The following MMP1 variants were observed in gnomAD, a reference collection of about 807,000 sequenced individuals.
The protein encoded by MMP1 is matrix metallopeptidase 1, also known as interstitial collagenase.
Under a neutral mutation model 49.6 loss-of-function variants are expected in MMP1, and 51 were observed. That is an observed-to-expected ratio of 1.03 (90% CI 0.82 to 1.30). The LOEUF (loss-of-function observed/expected upper bound fraction) is 1.30, where lower values mean the gene tolerates loss of function less well. Among genes scored for constraint, MMP1 ranks in the 50% most tolerant of loss-of-function variants. The pLI, the probability that MMP1 is intolerant of heterozygous loss-of-function variation, is 0.00. For missense variants in MMP1, 623 were observed against 568.7 expected (o/e 1.10, Z -0.97); for synonymous variants, 230 against 196.8 (o/e 1.17, Z -1.41).
In MMP1 at chr11:102,798,157, A is replaced by G; in HGVS notation, c.-65T>C. 7 of 1,346,424 alleles carry G rather than the reference A, an allele frequency of 5.2e-6. No individual in the cohort carries two copies. The highest frequency in any genetic ancestry group is 2.4e-5 in the East Asian group (1 of 41,668). The allele number at this position is 1,346,424 out of a possible 1,614,324, so 83.4% of individuals were successfully genotyped here. ...GGCTTCCCAGCCTCTTGCTGCTCCA[A>G]TATCCCAGCTAGGAAGCTCCCTCTG... On this transcript the variant is annotated 5_prime_UTR_variant, in exon 1 of 10. Coordinates refer to ENST00000315274, the MANE Select transcript of MMP1 (RefSeq NM_002421.4).
Position 102,797,112 on chromosome 11 carries a change from A to G in MMP1, c.401T>C (p.Ile134Thr), listed in dbSNP as rs753617940. Residue 134 changes from isoleucine to threonine, a missense_variant, in exon 3 of 10, where the codon ATT becomes ACT. Physicochemically the swap from Ile to Thr is moderately conservative, Grantham distance 89. Coordinates refer to ENST00000315274, the MANE Select transcript of MMP1 (RefSeq NM_002421.4). ...ACTCCAGAGTTGGAAGGCTTTCTCA[A>G]TGGCATGGTCCACATCTGCTCTTGG... ...DLPRADVDHA[I>T]EKAFQLWSNV... 7 of 1,614,082 alleles carry G rather than the reference A, an allele frequency of 4.3e-6. No individual in the cohort carries two copies. The South Asian group carries it at 5.5e-5, about 13-fold the overall frequency.
In MMP1 at chr11:102,792,241, C is replaced by T. The variant is rs1044608448; in HGVS notation, c.1033+364G>A. Among the ~76,000 whole-genome samples, 7 of 152,306 alleles carry T rather than the reference C, an allele frequency of 4.6e-5. 1 individual carries two copies. The Middle Eastern group carries it at 0.014, about 296-fold the overall frequency. On this transcript the variant is annotated intron_variant, in intron 7 of 9. Coordinates refer to ENST00000315274, the MANE Select transcript of MMP1 (RefSeq NM_002421.4). ...GTCAAATGTCTTACTCATTGTACTA[C>T]GTTAAACACACGTTTGCAAAAATAT...
intron 4 of MMP1, 147 bp from the exon 5 acceptor site, chr11:102,795,754 G>T (rs1008255340): frequency 3.2e-6 from 2 of 634,442 alleles, no homozygotes; most frequent in Non-Finnish European, 5.1e-6. Flanking sequence ...TCTTTTTTCC[G>T]AAGGCAGAAG....
chr11:102,792,489 A>T (rs1858056813), intron 7 of MMP1, 116 bp downstream of exon 7: 1 of 1,019,698 alleles, frequency 9.8e-7, no homozygotes, highest in East Asian at 2.5e-5. Context: ...TTGGTTGGTG[A>T]GACTGAGATT....
intron 6 of MMP1, among the ~76,000 whole-genome samples, 200 bp from the exon 7 acceptor site, chr11:102,792,938 A>C (rs1858075219): frequency 6.6e-6 from 1 of 152,166 alleles, no homozygotes; most frequent in African/African-American, 2.4e-5. Flanking sequence ...GAATTTCAAG[A>C]GTCTCAGTGG....
intron 6 of MMP1, among the ~76,000 whole-genome samples, chr11:102,793,594 A>G (rs1858094334): frequency 6.6e-6 from 1 of 152,182 alleles, no homozygotes; most frequent in African/African-American, 2.4e-5. Context: ...CCCATTCCTT[A>G]CATCAGACCT....
rs758719707 is a variant in MMP1, at chr11:102,790,808, T to C, written c.1197-2A>G. 1.0e-5 allele frequency: 16 copies of C among 1,572,626 alleles called. No individual in the cohort carries two copies. The East Asian group carries it at 2.2e-4, about 22-fold the overall frequency. On this transcript the variant is annotated splice_acceptor_variant, in intron 8 of 9. Coordinates refer to ENST00000315274, the MANE Select transcript of MMP1 (RefSeq NM_002421.4). LOFTEE classifies it high-confidence loss of function. ...ATAGATCGTTTATATTCATCATACCTGGTCAGAAAAGAGTTAAGAGTGTCA... is the reference window on the plus strand; with the variant it reads ...ATAGATCGTTTATATTCATCATACCCGGTCAGAAAAGAGTTAAGAGTGTCA...
Position 102,797,242 on chromosome 11 carries a change from C to G in MMP1, c.350+14G>C. ...GGGAAATAGCTCTCTCACTCTGGCC[C>G]TCAGTCTGCCTACCTGTAGGTCAGA... On this transcript the variant is annotated intron_variant, in intron 2 of 9. Coordinates refer to ENST00000315274, the MANE Select transcript of MMP1 (RefSeq NM_002421.4). The G allele has an allele frequency of 6.2e-7, 1 of 1,614,048 alleles. No individual in the cohort carries two copies. The highest frequency in any genetic ancestry group is 8.5e-7 in the Non-Finnish European group (1 of 1,179,922).
chr11:102,793,860 C>T (rs11225426), intron 6 of MMP1, among the ~76,000 whole-genome samples: 23,835 of 152,180 alleles, frequency 0.16, 2,663 homozygotes, highest in African/African-American at 0.29. Flanking sequence ...AGATTCCAGG[C>T]CACAGGGAAG....
intron 1 of MMP1, among the ~76,000 whole-genome samples, chr11:102,797,760 A>G (rs1482331760): frequency 6.6e-6 from 1 of 152,238 alleles, no homozygotes. Flanking sequence ...CAAGTCTACA[A>G]TTTGTGGAGA....
rs763002658 is a variant in MMP1 at position 102,797,273 on chromosome 11, T to C, written c.333A>G (p.Gln111=). The change falls in exon 2 of 10, where the codon CAA becomes CAG. Residue 111 remains glutamine, a synonymous_variant. Coordinates refer to ENST00000315274, the MANE Select transcript of MMP1 (RefSeq NM_002421.4). ...CTGCCTACCTGTAGGTCAGATGTGT[T>C]TGCTCCCAGCGAGGGTTCCCCTCAG... is the stretch of plus-strand genomic sequence containing the variant. The part of the protein sequence containing the change: ...VLTEGNPRWE[Q]THLTYRIENY... 6.2e-6 allele frequency: 10 copies of C among 1,614,202 alleles called. No homozygotes were observed. The highest frequency in any genetic ancestry group is 1.7e-4 in the Middle Eastern group (1 of 6,060).
At chr11:102,795,091 CAT>C in intron 6 of MMP1, 81 bp downstream of exon 6, 1 of 1,075,990 alleles carries the variant, frequency 9.3e-7, no homozygotes, top group Non-Finnish European at 1.4e-6. Context: ...AAATAAGTAA[CAT>C]GTGAAGCATA....
chr11:102,791,289 G>A (rs1466485452), intron 8 of MMP1, 44 bp downstream of exon 8: 1 of 1,606,832 alleles, frequency 6.2e-7, no homozygotes, highest in Non-Finnish European at 8.5e-7. Flanking sequence ...AACTTTTTAT[G>A]TAGAAAGAAC....
intron 7 of MMP1, 111 bp downstream of exon 7, chr11:102,792,494 G>T: frequency 9.1e-7 from 1 of 1,101,104 alleles, no homozygotes. Flanking sequence ...TGGTGAGACT[G>T]AGATTTTCAA....
intron 8 of MMP1, 128 bp downstream of exon 8, chr11:102,791,205 T>C (rs995410406): frequency 3.3e-6 from 3 of 911,168 alleles, no homozygotes; most frequent in African/African-American, 3.3e-5. Flanking sequence ...AGATGATAGA[T>C]TGGCACCAGC....
intron 8 of MMP1, 52 bp from the exon 9 acceptor site, chr11:102,790,858 C>T: frequency 2.1e-6 from 2 of 963,890 alleles, no homozygotes; most frequent in Non-Finnish European, 1.7e-6. Context: ...CATGTGCACT[C>T]TGAAAATCAT....
In MMP1 at chr11:102,797,241, C is replaced by G. The variant is rs746470524; in HGVS notation, c.350+15G>C. 2 of 1,614,026 alleles carry G rather than the reference C, an allele frequency of 1.2e-6. No homozygotes were observed. Among genetic ancestry groups the G allele is most frequent in the African/African-American group, 1.3e-5 (1 of 75,060 alleles). On this transcript the variant is annotated intron_variant, in intron 2 of 9. Coordinates refer to ENST00000315274, the MANE Select transcript of MMP1 (RefSeq NM_002421.4). ...TGGGAAATAGCTCTCTCACTCTGGC[C>G]CTCAGTCTGCCTACCTGTAGGTCAG...
chr11:102,792,209 T>C (rs1858049674), intron 7 of MMP1, among the ~76,000 whole-genome samples: 1 of 152,228 alleles, frequency 6.6e-6, no homozygotes, highest in African/African-American at 2.4e-5. Context: ...CTTGAGTGTA[T>C]GGCTGAGTCA....
At chr11:102,795,325 C>T (rs368145373) in intron 5 of MMP1, 34 bp from the exon 6 acceptor site, 3 of 1,608,326 alleles carry the variant, frequency 1.9e-6, no homozygotes, top group African/African-American at 2.7e-5. Context: ...GTTAGTTTTG[C>T]CTAGTATTAG....
Sources: gnomAD v4.1 joint callset for allele counts (sites outside exome capture counted in the v4.1 genomes callset) on GRCh38, gnomAD v4.1.1 for gene constraint, MANE v1.5 for transcripts, NCBI Gene and HGNC (gene_info 2026-07-23, HGNC 2026-07-21) for gene names.